The following GRIK2 variants were observed in gnomAD, a reference collection of about 807,000 sequenced individuals.
GRIK2 encodes the protein glutamate ionotropic receptor kainate type subunit 2, also known as glutamate receptor ionotropic, kainate 2.
Under a neutral mutation model 100.3 loss-of-function variants are expected in GRIK2, and 32 were observed. That is an observed-to-expected ratio of 0.32 (90% CI 0.24 to 0.43). GRIK2 has a LOEUF of 0.43. Among genes scored for constraint, GRIK2 ranks in the 20% least tolerant of loss-of-function variants. GRIK2 has a pLI of 1.00. For missense variants in GRIK2, 843 were observed against 1,114.9 expected, an observed-to-expected ratio of 0.76 and a Z score of 3.47; for synonymous variants, 417 against 389.4, an observed-to-expected ratio of 1.07 and a Z score of -0.83.
At chr6:101,452,560 A>G (rs189362349) in intron 2 of GRIK2, among the ~76,000 whole-genome samples, 1 of 151,894 alleles carries the variant, frequency 6.6e-6, no homozygotes. Flanking sequence ...GAACTGCTTG[A>G]CACTATGACA....
intron 12 of GRIK2, among the ~76,000 whole-genome samples, chr6:101,908,326 T>TTTCA (rs60006135): frequency 6.7e-6 from 1 of 148,622 alleles, no homozygotes; most frequent in African/African-American, 2.5e-5. Flanking sequence ...ACAATTATTT[T>TTTCA]GCACCAGCCT....
At chr6:101,935,369 A>G (rs1790550598) in intron 14 of GRIK2, among the ~76,000 whole-genome samples, 2 of 151,880 alleles carry the variant, frequency 1.3e-5, no homozygotes, top group Admixed American at 1.3e-4. Flanking sequence ...TGTTTCTCAG[A>G]GATGTATTTT....
At chr6:101,453,317 T>A (rs981747225) in intron 2 of GRIK2, among the ~76,000 whole-genome samples, 1 of 151,968 alleles carries the variant, frequency 6.6e-6, no homozygotes, top group East Asian at 1.9e-4. Context: ...TAATTGACTT[T>A]ATTTGCTTTA....
At chr6:101,433,948 G>T (rs534353207) in intron 2 of GRIK2, among the ~76,000 whole-genome samples, 1 of 152,300 alleles carries the variant, frequency 6.6e-6, no homozygotes, top group Admixed American at 6.5e-5. Flanking sequence ...CGACTAGAGA[G>T]TTGAAGTCCG....
intron 7 of GRIK2, among the ~76,000 whole-genome samples, chr6:101,694,785 G>A (rs1252240935): frequency 6.6e-6 from 1 of 151,542 alleles, no homozygotes; most frequent in Non-Finnish European, 1.5e-5. Flanking sequence ...GTAGACTGGT[G>A]GTAATTATCA....
At chr6:101,508,944 A>G (rs1013826212) in intron 2 of GRIK2, among the ~76,000 whole-genome samples, 2 of 152,094 alleles carry the variant, frequency 1.3e-5, no homozygotes, top group African/African-American at 4.8e-5. Flanking sequence ...TCATGAGGGC[A>G]GGAGATCGAG....
chr6:102,065,043 C>T (rs1771947249), intron 16 of GRIK2, among the ~76,000 whole-genome samples: 1 of 151,072 alleles, frequency 6.6e-6, no homozygotes, highest in Non-Finnish European at 1.5e-5. Flanking sequence ...AAAGAGCTGG[C>T]AAAATTCATC....
intron 14 of GRIK2, among the ~76,000 whole-genome samples, chr6:101,929,563 A>G (rs1790128492): frequency 6.6e-6 from 1 of 152,190 alleles, no homozygotes; most frequent in African/African-American, 2.4e-5. Flanking sequence ...CAGAAGTTAC[A>G]CGACACATTG....
intron 16 of GRIK2, among the ~76,000 whole-genome samples, chr6:102,057,577 A>G (rs1014461436): frequency 1.3e-5 from 2 of 151,410 alleles, no homozygotes; most frequent in Non-Finnish European, 3.0e-5. Flanking sequence ...ACATTGCACT[A>G]GAAAGAAATA....
chr6:101,907,658 G>C (rs779071749), intron 12 of GRIK2, among the ~76,000 whole-genome samples: 1 of 151,424 alleles, frequency 6.6e-6, no homozygotes, highest in Non-Finnish European at 1.5e-5. Context: ...TGGGTTTTGC[G>C]GTTTTTAAGA....
At position 101,475,153 on chromosome 6, in the gene GRIK2, A is replaced by T. The variant is rs979426921; in HGVS notation, c.115+75761A>T. On this transcript the variant is annotated intron_variant, in intron 2 of 16. Coordinates refer to ENST00000369134, the MANE Select transcript of GRIK2 (RefSeq NM_021956.5). ...CCCTGACTCTCTCTGATGACTAATA[A>T]CATATTTAAAGGCTAATATGTGTTA... Among the ~76,000 whole-genome samples the T allele has an allele frequency of 4.6e-5, 7 of 152,030 alleles. No individual in the cohort carries two copies. In the East Asian group the frequency reaches 5.8e-4, roughly 13 times the overall value.
chr6:101,814,176 C>G (rs1179916826), intron 9 of GRIK2, among the ~76,000 whole-genome samples: 1 of 151,624 alleles, frequency 6.6e-6, no homozygotes, highest in Non-Finnish European at 1.5e-5. Flanking sequence ...GGAAAATTTC[C>G]AGGAGTAGAA....
chr6:101,744,667 C>T (rs1437627879), intron 7 of GRIK2: 1 of 150,900 alleles, frequency 6.6e-6, no homozygotes. Context: ...CAACCTCTGC[C>T]TCCTGGGTTC....
chr6:101,476,460 G>A (rs1772234821), intron 2 of GRIK2, among the ~76,000 whole-genome samples: 1 of 152,124 alleles, frequency 6.6e-6, no homozygotes, highest in African/African-American at 2.4e-5. Context: ...CTGAGAACAA[G>A]TTGATAGAGA....
chr6:101,783,516 T>C (rs1370559990), intron 7 of GRIK2, among the ~76,000 whole-genome samples: 4 of 152,176 alleles, frequency 2.6e-5, no homozygotes, highest in Non-Finnish European at 2.9e-5. Context: ...GAATTGGTAC[T>C]GAAAGTGGGG....
chr6:101,609,871 A>G (rs1779596336), intron 2 of GRIK2, among the ~76,000 whole-genome samples: 1 of 151,816 alleles, frequency 6.6e-6, no homozygotes, highest in South Asian at 2.1e-4. Context: ...TGAAATCTAT[A>G]TGAGGAATAG....
At chr6:101,719,418 G>A (rs1222960) in intron 7 of GRIK2, among the ~76,000 whole-genome samples, 91,642 of 151,608 alleles carry the variant, frequency 0.6, 30,151 homozygotes, top group Non-Finnish European at 0.75. Context: ...TTGATTTTAT[G>A]TCATTTACTT....
At position 101,926,209 on chromosome 6, in the gene GRIK2, T is replaced by G. The variant is rs369380348; in HGVS notation, c.1867+1490T>G. ...TGGGTCCAAGGGTTTTTTTTTTTTT[T>G]TTTTTTTTTTCCCTTAGGCTTACTC... On this transcript the variant is annotated intron_variant, in intron 13 of 16. Coordinates refer to ENST00000369134, the MANE Select transcript of GRIK2 (RefSeq NM_021956.5). Among the ~76,000 whole-genome samples, 63 of 149,602 alleles carry G rather than the reference T, an allele frequency of 4.2e-4. No individual in the cohort carries two copies. The East Asian group carries it at 6.2e-3, about 15-fold the overall frequency.
intron 7 of GRIK2, among the ~76,000 whole-genome samples, chr6:101,715,835 C>T (rs1251523240): frequency 6.6e-6 from 1 of 151,788 alleles, no homozygotes; most frequent in Non-Finnish European, 1.5e-5. Flanking sequence ...TATAAACCTG[C>T]TTCGTATTCT....
Sources: allele counts gnomAD v4.1 joint callset (sites outside exome capture counted in the v4.1 genomes callset), GRCh38; gene constraint gnomAD v4.1.1; transcripts MANE v1.5; gene names NCBI Gene and HGNC (gene_info 2026-07-23, HGNC 2026-07-21).